Variants in OSTN observed in about 807,000 individuals in gnomAD.
OSTN encodes the protein osteocrin.
OSTN carries 9 observed loss-of-function variants against 12.0 expected under a neutral mutation model. That is an observed-to-expected ratio of 0.75 (90% CI 0.45 to 1.30). The LOEUF (loss-of-function observed/expected upper bound fraction) is 1.30, where lower values mean the gene tolerates loss of function less well. Ranked by LOEUF, OSTN falls within the 50% of genes most tolerant of loss-of-function variation. OSTN has a pLI of 0.00. For missense variants in OSTN, 148 were observed against 152.3 expected (o/e 0.97, Z 0.15); for synonymous variants, 59 against 56.9 (o/e 1.04, Z -0.16).
intron 1 of OSTN, among the ~76,000 whole-genome samples, chr3:191,202,387 C>T (rs1714170137): frequency 6.6e-6 from 1 of 152,186 alleles, no homozygotes; most frequent in Admixed American, 6.5e-5. Context: ...TCCACCTGAA[C>T]CAGGCTGTGA....
chr3:191,206,943 GC>G (rs1714291012), intron 1 of OSTN, among the ~76,000 whole-genome samples: 1 of 152,140 alleles, frequency 6.6e-6, no homozygotes, highest in East Asian at 1.9e-4. Flanking sequence ...TTACTTATGA[GC>G]CAAGCTGACT....
rs1715864635 is a variant in OSTN at position 191,263,930 on chromosome 3, G to A, written c.*1077G>A. The stretch of plus-strand genomic sequence containing the variant: ...TGGACACATAGGTCCATTGTGCATT[G>A]GATATACTTTGAAAACACACAAAAA... On this transcript the variant is annotated 3_prime_UTR_variant, in exon 5 of 5. Coordinates refer to ENST00000682035, the MANE Select transcript of OSTN (RefSeq NM_198184.2). 1 of 143,294 alleles carries A rather than the reference G, an allele frequency of 7.0e-6. No homozygotes were observed. Among genetic ancestry groups the A allele is most frequent in the African/African-American group, 2.5e-5 (1 of 39,714 alleles). 8.9% of individuals were successfully genotyped at this position (143,294 alleles called of 1,614,324 possible). A position where few individuals can be genotyped will look rare whatever the true frequency, so the allele number is the denominator to read the frequency against.
chr3:191,244,101 T>A (rs935260974), intron 3 of OSTN, among the ~76,000 whole-genome samples: 1 of 152,130 alleles, frequency 6.6e-6, no homozygotes, highest in Non-Finnish European at 1.5e-5. Flanking sequence ...TTACTCTCTT[T>A]AAATTGAGCA....
At chr3:191,250,691 C>A (rs1479965755) in intron 4 of OSTN, among the ~76,000 whole-genome samples, 1 of 152,108 alleles carries the variant, frequency 6.6e-6, no homozygotes, top group African/African-American at 2.4e-5. Flanking sequence ...ACAGCTTGTA[C>A]ATTTAAATAA....
At chr3:191,251,876 C>T (rs1715569003) in intron 4 of OSTN, among the ~76,000 whole-genome samples, 2 of 152,174 alleles carry the variant, frequency 1.3e-5, no homozygotes, top group African/African-American at 4.8e-5. Context: ...AACCAAGTAA[C>T]TCTTTGAGTC....
intron 3 of OSTN, among the ~76,000 whole-genome samples, chr3:191,225,435 TA>T (rs1215094624): frequency 1.3e-5 from 2 of 152,296 alleles, no homozygotes; most frequent in South Asian, 2.1e-4. Flanking sequence ...TTTCAGAGAA[TA>T]TTTTTTTAAA....
intron 3 of OSTN, among the ~76,000 whole-genome samples, chr3:191,232,922 C>T (rs184800561): frequency 1.3e-4 from 20 of 152,186 alleles, no homozygotes; most frequent in African/African-American, 4.3e-4. Context: ...GTCATAAATG[C>T]TATCTTTCAT....
At chr3:191,260,726 C>T (rs9816545) in intron 4 of OSTN, among the ~76,000 whole-genome samples, 37,995 of 151,928 alleles carry the variant, frequency 0.25, 5,504 homozygotes, top group Middle Eastern at 0.39. Flanking sequence ...GTGATGGAGA[C>T]CAGGAAAGAC....
At chr3:191,246,851 C>T (rs1440312889) in intron 3 of OSTN, among the ~76,000 whole-genome samples, 7 of 151,890 alleles carry the variant, frequency 4.6e-5, no homozygotes, top group Non-Finnish European at 8.8e-5. Flanking sequence ...CCAGCCATGG[C>T]GGTTAAATCC....
intron 2 of OSTN, among the ~76,000 whole-genome samples, chr3:191,216,856 TC>T (rs1714625283): frequency 6.6e-6 from 1 of 152,240 alleles, no homozygotes; most frequent in African/African-American, 2.4e-5. Context: ...TTTCAAACTT[TC>T]CCACGTCCTC....
Position 191,264,470 on chromosome 3 carries a change from T to C in OSTN, c.*1617T>C, listed in dbSNP as rs1715875900. ...GTCTTCAAAATTAATTTAGGAAAAA[T>C]AGTAAATAATTTTTTTTCATTGTAG... On this transcript the variant is annotated 3_prime_UTR_variant, in exon 5 of 5. Coordinates refer to ENST00000682035, the MANE Select transcript of OSTN (RefSeq NM_198184.2). The C allele has an allele frequency of 6.6e-6, 1 of 152,106 alleles. No individual in the cohort carries two copies. The highest frequency in any genetic ancestry group is 6.5e-5 in the Admixed American group (1 of 15,276). 9.4% of individuals were successfully genotyped at this position (152,106 alleles called of 1,614,324 possible). A position where few individuals can be genotyped will look rare whatever the true frequency, so the allele number is the denominator to read the frequency against.
At chr3:191,255,841 T>G (rs924703272) in intron 4 of OSTN, among the ~76,000 whole-genome samples, 1 of 152,090 alleles carries the variant, frequency 6.6e-6, no homozygotes, top group African/African-American at 2.4e-5. Flanking sequence ...TGCTTGATGT[T>G]GCGTTAGCAG....
At chr3:191,239,953 C>A (rs191988896) in intron 3 of OSTN, among the ~76,000 whole-genome samples, 4 of 152,152 alleles carry the variant, frequency 2.6e-5, no homozygotes, top group African/African-American at 9.7e-5. Flanking sequence ...AGGGAGAAAA[C>A]AACAGGAAGC....
rs115745045 is a variant in OSTN, at chr3:191,214,309, G to T, written c.102+1675G>T. On this transcript the variant is annotated intron_variant, in intron 2 of 4. Transcript: ENST00000682035. ...CTAAAAATCCAAAAATTAGCTGGGG[G>T]TAGTGGTGGGCGCCTGTAGTCCCTG... 8.7e-3 allele frequency among the ~76,000 whole-genome samples: 1,315 copies of T among 151,846 alleles called. 23 individuals are homozygous for T. Among genetic ancestry groups the T allele is most frequent in the African/African-American group, 0.03 (1,254 of 41,398 alleles).
chr3:191,222,251 C>T (rs1714784396), intron 3 of OSTN, among the ~76,000 whole-genome samples: 1 of 152,182 alleles, frequency 6.6e-6, no homozygotes. Context: ...AGAGGGCCAC[C>T]ATCCTGCAGA....
At chr3:191,218,615 C>T (rs1714682566) in intron 2 of OSTN, 132 bp from the exon 3 acceptor site, 1 of 710,590 alleles carries the variant, frequency 1.4e-6, no homozygotes, top group Admixed American at 2.8e-5. Context: ...AAGCACAAAA[C>T]TTTGTCTCAA....
At chr3:191,214,001 T>G (rs1008444098) in intron 2 of OSTN, among the ~76,000 whole-genome samples, 25 of 152,146 alleles carry the variant, frequency 1.6e-4, no homozygotes, top group African/African-American at 5.8e-4. Context: ...TGAGGAATAG[T>G]TTGAAACCAT....
In OSTN at chr3:191,248,641, A is replaced by AT. The variant is rs545663220; in HGVS notation, c.318-1394dup. ...AGCTTTTCAAGCAATGAAGTATATC[A>AT]TTATTGGTCAAAAAATTGAAGCAGG... On this transcript the variant is annotated intron_variant, in intron 3 of 4. Coordinates refer to ENST00000682035, the MANE Select transcript of OSTN (RefSeq NM_198184.2). Among the ~76,000 whole-genome samples, 35 of 152,326 alleles carry AT rather than the reference A, an allele frequency of 2.3e-4. No individual in the cohort carries two copies. In the East Asian group the frequency reaches 3.7e-3, roughly 16 times the overall value.
chr3:191,214,448 A>C (rs980397722), intron 2 of OSTN, among the ~76,000 whole-genome samples: 3 of 150,402 alleles, frequency 2.0e-5, no homozygotes, highest in Non-Finnish European at 3.0e-5. Context: ...AAAAAAAAAA[A>C]AAAAAAAAAA....
Sources: allele counts gnomAD v4.1 joint callset (sites outside exome capture counted in the v4.1 genomes callset), GRCh38; gene constraint gnomAD v4.1.1; transcripts MANE v1.5; gene names NCBI Gene and HGNC (gene_info 2026-07-23, HGNC 2026-07-21).